Variants in UBE2E3 observed in about 807,000 individuals in gnomAD.
The protein encoded by UBE2E3 is ubiquitin-conjugating enzyme E2 E3.
In UBE2E3, 5 loss-of-function variants were observed where a neutral mutation model predicts 23.6. The ratio of observed to expected loss-of-function variants is 0.21; its 90% CI spans 0.11 to 0.44. The LOEUF (loss-of-function observed/expected upper bound fraction) is 0.44. UBE2E3 is among the 20% of genes least tolerant of loss of function. The pLI, the probability that UBE2E3 is intolerant of heterozygous loss-of-function variation, is 0.99. For missense variants in UBE2E3, 81 were observed against 249.8 expected (o/e 0.32, Z 4.55); for synonymous variants, 78 against 87.5 (o/e 0.89, Z 0.60).
intron 3 of UBE2E3, among the ~76,000 whole-genome samples, chr2:181,023,791 T>A (rs545730802): frequency 6.7e-6 from 1 of 149,130 alleles, no homozygotes; most frequent in South Asian, 2.1e-4. Flanking sequence ...TGATAAAATA[T>A]CTACCTGATA....
In UBE2E3 at chr2:180,990,409, T is replaced by C. The variant is rs562337695; in HGVS notation, c.245+6316T>C. Among the ~76,000 whole-genome samples, 9 of 152,344 alleles carry C rather than the reference T, an allele frequency of 5.9e-5. No individual in the cohort carries two copies. In the South Asian group the frequency reaches 1.9e-3, roughly 32 times the overall value. ...TTCCTGTACTTTGCCTCTTGAATTT[T>C]TGAATAGTTTGCTTTTGACTGTTTT... On this transcript the variant is annotated intron_variant, in intron 3 of 5. Coordinates refer to ENST00000410062, the MANE Select transcript of UBE2E3 (RefSeq NM_006357.4).
intron 3 of UBE2E3, among the ~76,000 whole-genome samples, chr2:181,050,726 G>T (rs1686816968): frequency 6.6e-6 from 1 of 151,730 alleles, no homozygotes; most frequent in South Asian, 2.1e-4. Context: ...AACCTTTCTG[G>T]CTCGGTTTCT....
At chr2:180,987,433 A>T in intron 3 of UBE2E3, 1 of 1,547,274 alleles carries the variant, frequency 6.5e-7, no homozygotes, top group Non-Finnish European at 8.7e-7. Context: ...TTCTTTCCAT[A>T]TAGGAAGAAG....
rs751648913 is a variant in UBE2E3 at position 180,984,036 on chromosome 2, C to CT, written c.195-6dup. 30 of 1,609,822 alleles carry CT rather than the reference C, an allele frequency of 1.9e-5. No homozygotes were observed. In the South Asian group the frequency reaches 3.0e-4, roughly 16 times the overall value. On this transcript the variant is annotated splice_polypyrimidine_tract_variant and splice_region_variant and intron_variant, in intron 2 of 5. Coordinates refer to ENST00000410062, the MANE Select transcript of UBE2E3 (RefSeq NM_006357.4). ...ATCCTTTTTGTCTCTTCTCATTTCACTAACAGAATTCAGAAGGAGCTAGCT... is the reference window on the plus strand; with the variant it reads ...ATCCTTTTTGTCTCTTCTCATTTCACTTAACAGAATTCAGAAGGAGCTAGCT...
At chr2:181,052,410 TAAAAC>T (rs759997866) in intron 3 of UBE2E3, among the ~76,000 whole-genome samples, 3 of 151,806 alleles carry the variant, frequency 2.0e-5, no homozygotes, top group Non-Finnish European at 4.4e-5. Context: ...GTTAAAAGCA[TAAAAC>T]AAAACAGCAC....
chr2:181,038,730 A>G (rs1686380181), intron 3 of UBE2E3, among the ~76,000 whole-genome samples: 1 of 151,322 alleles, frequency 6.6e-6, no homozygotes, highest in South Asian at 2.1e-4. Context: ...GTCTTAACAT[A>G]CAAGTCTTAT....
Position 181,058,453 on chromosome 2 carries a change from C to T in UBE2E3, c.378+628C>T, listed in dbSNP as rs201137250. On this transcript the variant is annotated intron_variant, in intron 4 of 5. Transcript: ENST00000410062. Reference sequence around the variant, plus strand: ...TCTAATGACCATCAACTTTGCAAAGCTTAAATATAACAATTACTTGAATGG... The same window carrying T: ...TCTAATGACCATCAACTTTGCAAAGTTTAAATATAACAATTACTTGAATGG... Among the ~76,000 whole-genome samples, 28 of 151,750 alleles carry T rather than the reference C, an allele frequency of 1.8e-4. No individual in the cohort carries two copies. The East Asian group carries it at 5.3e-3, about 29-fold the overall frequency.
At chr2:181,021,129 C>G (rs927712066) in intron 3 of UBE2E3, among the ~76,000 whole-genome samples, 2 of 152,090 alleles carry the variant, frequency 1.3e-5, no homozygotes, top group African/African-American at 4.8e-5. Context: ...AGCAATATAC[C>G]AGTCTTCGTG....
rs555094621 is a variant in UBE2E3 at position 181,049,479 on chromosome 2, C to A, written c.246-8214C>A. On this transcript the variant is annotated intron_variant, in intron 3 of 5. Coordinates refer to ENST00000410062, the MANE Select transcript of UBE2E3 (RefSeq NM_006357.4). ...TTTCATCTACATTTATATAAGTGTA[C>A]AGTACTTTGCAATAAAAATACCTGT... Among the ~76,000 whole-genome samples, 11 of 152,082 alleles carry A rather than the reference C, an allele frequency of 7.2e-5. No homozygotes were observed. The East Asian group carries it at 1.7e-3, about 24-fold the overall frequency.
intron 3 of UBE2E3, among the ~76,000 whole-genome samples, chr2:181,020,448 A>G (rs1685639226): frequency 6.6e-6 from 1 of 152,198 alleles, no homozygotes; most frequent in Non-Finnish European, 1.5e-5. Flanking sequence ...TCACATTTTG[A>G]GATACTGGGG....
intron 3 of UBE2E3, among the ~76,000 whole-genome samples, chr2:181,049,061 AT>A (rs1307912886): frequency 6.6e-6 from 1 of 152,012 alleles, no homozygotes; most frequent in African/African-American, 2.4e-5. Flanking sequence ...ATGGGTTGAG[AT>A]TTCTGGAGAT....
chr2:180,996,679 A>C (rs1036795266), intron 3 of UBE2E3, among the ~76,000 whole-genome samples: 1 of 152,174 alleles, frequency 6.6e-6, no homozygotes, highest in Non-Finnish European at 1.5e-5. Flanking sequence ...GTCACTTGGC[A>C]CTTGCAAATT....
chr2:181,044,754 TAC>T (rs1218128419), intron 3 of UBE2E3, among the ~76,000 whole-genome samples: 1 of 152,168 alleles, frequency 6.6e-6, no homozygotes, highest in Non-Finnish European at 1.5e-5. Flanking sequence ...GAATGGTTCT[TAC>T]ATTAATCACT....
At chr2:180,988,110 G>T (rs1429257005) in intron 3 of UBE2E3, among the ~76,000 whole-genome samples, 1 of 152,090 alleles carries the variant, frequency 6.6e-6, no homozygotes, top group African/African-American at 2.4e-5. Flanking sequence ...TTATAATAGG[G>T]TTATTGTGAG....
chr2:181,052,062 CA>C (rs1337868852), intron 3 of UBE2E3, among the ~76,000 whole-genome samples: 1 of 140,786 alleles, frequency 7.1e-6, no homozygotes, highest in Admixed American at 7.0e-5. Context: ...ATGACTGAAT[CA>C]TTGTGAAGTG....
chr2:181,013,099 C>T (rs533275599), intron 3 of UBE2E3, among the ~76,000 whole-genome samples: 1 of 152,164 alleles, frequency 6.6e-6, no homozygotes, highest in South Asian at 2.1e-4. Flanking sequence ...GTAGCTGGGA[C>T]TACAGTCATG....
At chr2:181,049,989 A>G (rs1686776391) in intron 3 of UBE2E3, among the ~76,000 whole-genome samples, 2 of 152,142 alleles carry the variant, frequency 1.3e-5, no homozygotes, top group South Asian at 4.1e-4. Context: ...AATGAAGACT[A>G]GATTTCAAAA....
At chr2:181,030,465 G>A (rs1289152147) in intron 3 of UBE2E3, among the ~76,000 whole-genome samples, 2 of 151,978 alleles carry the variant, frequency 1.3e-5, no homozygotes, top group Non-Finnish European at 2.9e-5. Context: ...TTTTCAATAT[G>A]AACAGTCTTG....
intron 3 of UBE2E3, among the ~76,000 whole-genome samples, chr2:181,005,427 TG>T (rs1685121679): frequency 1.3e-5 from 2 of 152,342 alleles, no homozygotes; most frequent in African/African-American, 4.8e-5. Context: ...AGGATAGGAA[TG>T]GCATTAATTC....
Sources: allele counts gnomAD v4.1 joint callset (sites outside exome capture counted in the v4.1 genomes callset), GRCh38; gene constraint gnomAD v4.1.1; transcripts MANE v1.5; gene names NCBI Gene and HGNC (gene_info 2026-07-23, HGNC 2026-07-21).